Variants in ACTR3C observed in about 807,000 individuals in gnomAD.
ACTR3C encodes the protein actin-related protein 3C.
Under a neutral mutation model 26.3 loss-of-function variants are expected in ACTR3C, and 18 were observed. The ratio of observed to expected loss-of-function variants is 0.68; its 90% CI spans 0.47 to 1.01. The LOEUF (loss-of-function observed/expected upper bound fraction) is 1.01, where lower values mean the gene tolerates loss of function less well. ACTR3C is among the 50% of genes least tolerant of loss of function. The probability of loss-of-function intolerance (pLI) is 0.00; values close to 1 mark genes in which losing one functional copy is unlikely to be tolerated. For synonymous variants in ACTR3C, 55 were observed against 94.5 expected, an observed-to-expected ratio of 0.58 and a Z score of 2.42; for missense variants, 184 against 250.7, an observed-to-expected ratio of 0.73 and a Z score of 1.80.
chr7:150,262,412 C>CT (rs1285306288), intron 6 of ACTR3C, among the ~76,000 whole-genome samples: 22 of 152,290 alleles, frequency 1.4e-4, no homozygotes, highest in South Asian at 4.2e-4. Context: ...ATGTCTGTAA[C>CT]TTTTTTTTTC....
the ACTR3C span, among the ~76,000 whole-genome samples, chr7:150,212,509 T>C: frequency 2.0e-5 from 3 of 149,630 alleles, no homozygotes; most frequent in Non-Finnish European, 2.9e-5. Context: ...CTATCCATTA[T>C]ATTAAACTTT....
chr7:150,207,217 C>G, the ACTR3C span, among the ~76,000 whole-genome samples: 1 of 152,150 alleles, frequency 6.6e-6, no homozygotes, highest in African/African-American at 2.4e-5. Context: ...CTTTGGCAAG[C>G]CTTTCCTACC....
the ACTR3C span, among the ~76,000 whole-genome samples, chr7:150,080,356 C>G: frequency 4.0e-5 from 6 of 151,098 alleles, no homozygotes; most frequent in Non-Finnish European, 8.8e-5. Flanking sequence ...CACCACATCC[C>G]ACAGTGGGAC....
chr7:150,158,630 A>G, the ACTR3C span, among the ~76,000 whole-genome samples: 1 of 152,258 alleles, frequency 6.6e-6, no homozygotes, highest in African/African-American at 2.4e-5. Context: ...AGGTGGACTT[A>G]TAGAAATAGA....
chr7:150,219,916 C>G, the ACTR3C span, among the ~76,000 whole-genome samples: 6 of 145,578 alleles, frequency 4.1e-5, no homozygotes, highest in African/African-American at 1.1e-4. Flanking sequence ...CCTCTTCTCT[C>G]GAAAGCCTCG....
chr7:150,016,687 T>G, the ACTR3C span, among the ~76,000 whole-genome samples: 4 of 152,102 alleles, frequency 2.6e-5, no homozygotes, highest in Admixed American at 2.0e-4. Context: ...GGTATGACCT[T>G]GGGTGGCACC....
At chr7:150,139,869 G>A in the ACTR3C span, among the ~76,000 whole-genome samples, 4,787 of 77,412 alleles carry the variant, frequency 0.062, no homozygotes, top group East Asian at 0.14. Flanking sequence ...CATGTCCTCA[G>A]GCAGTGATAT....
At chr7:150,036,750 A>C in the ACTR3C span, among the ~76,000 whole-genome samples, 5 of 138,152 alleles carry the variant, frequency 3.6e-5, 2 homozygotes, top group Non-Finnish European at 8.4e-5. Flanking sequence ...CGTAAATCCC[A>C]TGTAAGGTAT....
At chr7:150,080,179 C>A in the ACTR3C span, among the ~76,000 whole-genome samples, 2 of 151,654 alleles carry the variant, frequency 1.3e-5, no homozygotes, top group South Asian at 4.2e-4. Flanking sequence ...CTAGGCTAAT[C>A]TTTTAATGTT....
At chr7:149,918,845 G>C in the ACTR3C span, among the ~76,000 whole-genome samples, 7 of 152,184 alleles carry the variant, frequency 4.6e-5, no homozygotes, top group Admixed American at 3.9e-4. Context: ...GGCAAGAGCT[G>C]AGAACGAGCC....
At chr7:150,292,185 C>T (rs1308596362) in intron 3 of ACTR3C, among the ~76,000 whole-genome samples, 1 of 151,362 alleles carries the variant, frequency 6.6e-6, no homozygotes, top group East Asian at 1.9e-4. Flanking sequence ...ACACACCCCC[C>T]CATATACATA....
chr7:149,949,611 C>A, the ACTR3C span, among the ~76,000 whole-genome samples: 2 of 147,256 alleles, frequency 1.4e-5, no homozygotes, highest in Non-Finnish European at 2.9e-5. Flanking sequence ...AGGAAGTGAG[C>A]TAGTGAAGGT....
intron 1 of ACTR3C, among the ~76,000 whole-genome samples, chr7:150,299,749 G>C (rs922575662): frequency 1.3e-5 from 2 of 152,066 alleles, no homozygotes; most frequent in Non-Finnish European, 1.5e-5. Context: ...TGGTGCCACT[G>C]TACTCCAGCC....
chr7:149,900,166 T>G, the ACTR3C span, among the ~76,000 whole-genome samples: 125 of 151,354 alleles, frequency 8.3e-4, 2 homozygotes, highest in Admixed American at 1.2e-3. Context: ...TGTTGTTGTT[T>G]TTGTTTTTGT....
At chr7:150,163,289 TAA>T in the ACTR3C span, among the ~76,000 whole-genome samples, 8 of 151,974 alleles carry the variant, frequency 5.3e-5, no homozygotes, top group Admixed American at 2.0e-4. Context: ...GATATCTGGA[TAA>T]AGAGTTTGTG....
the ACTR3C span, among the ~76,000 whole-genome samples, chr7:150,218,862 TTTA>T: frequency 7.3e-6 from 1 of 137,144 alleles, no homozygotes; most frequent in Non-Finnish European, 1.5e-5. Flanking sequence ...TGGGTGAAAC[TTTA>T]TTTTTAATTG....
At chr7:150,255,863 C>T (rs1345931070) in intron 6 of ACTR3C, among the ~76,000 whole-genome samples, 1 of 152,194 alleles carries the variant, frequency 6.6e-6, no homozygotes, top group Non-Finnish European at 1.5e-5. Context: ...TGGGCTATTA[C>T]AAATTCTATT....
chr7:150,111,171 C>A, the ACTR3C span, among the ~76,000 whole-genome samples: 2 of 135,196 alleles, frequency 1.5e-5, no homozygotes, highest in Non-Finnish European at 3.2e-5. Context: ...CAAGTCACTG[C>A]CTGTGGGCTC....
the ACTR3C span, among the ~76,000 whole-genome samples, chr7:149,921,884 G>GA: frequency 5.1e-3 from 651 of 126,556 alleles, 1 homozygote; most frequent in Non-Finnish European, 6.7e-3. Context: ...CTCAAAAAAT[G>GA]AAAAAAAAAA....
Sources: gnomAD v4.1 joint callset for allele counts (sites outside exome capture counted in the v4.1 genomes callset) on GRCh38, gnomAD v4.1.1 for gene constraint, MANE v1.5 for transcripts, NCBI Gene and HGNC (gene_info 2026-07-23, HGNC 2026-07-21) for gene names.